Variants in SPOCK1 observed in about 807,000 individuals in gnomAD.
SPOCK1 encodes SPARC (osteonectin), cwcv and kazal like domains proteoglycan 1, also known as testican-1.
In SPOCK1, 23 loss-of-function variants were observed where a neutral mutation model predicts 55.3. The ratio of observed to expected loss-of-function variants is 0.42; its 90% CI spans 0.30 to 0.59. The LOEUF (loss-of-function observed/expected upper bound fraction) is 0.59, where lower values mean the gene tolerates loss of function less well. Ranked by LOEUF, SPOCK1 falls within the 20% of genes least tolerant of loss-of-function variation. The probability of loss-of-function intolerance (pLI) is 0.22; values close to 1 mark genes in which losing one functional copy is unlikely to be tolerated. For synonymous variants in SPOCK1, 226 were observed against 221.0 expected (o/e 1.02, Z -0.20); for missense variants, 499 against 552.5 (o/e 0.90, Z 0.97).
At chr5:137,435,522 T>C (rs551034034) in intron 2 of SPOCK1, among the ~76,000 whole-genome samples, 16 of 152,232 alleles carry the variant, frequency 1.1e-4, no homozygotes, top group Non-Finnish European at 2.2e-4. Context: ...CTCCTGTTGT[T>C]TCCACTTCAT....
At position 137,066,987 on chromosome 5, in the gene SPOCK1, C is replaced by CAG. The variant is rs753181225; in HGVS notation, c.589+726_589+727dup. On this transcript the variant is annotated intron_variant, in intron 6 of 10. Coordinates refer to ENST00000394945, the MANE Select transcript of SPOCK1 (RefSeq NM_004598.4). ...ATACACACACACACACACACACACA[C>CAG]AGAGAGAGAGAGAGAGAGAGAGAAA... Among the ~76,000 whole-genome samples, 497 of 139,650 alleles carry CAG rather than the reference C, an allele frequency of 3.6e-3. 2 individuals are homozygous for CAG. The highest frequency in any genetic ancestry group is 0.012 in the African/African-American group (448 of 38,162). The allele number at this position is 139,650 out of a possible 152,430, so 91.6% of individuals were successfully genotyped here.
At chr5:137,273,247 G>T in intron 2 of SPOCK1, 1 of 342,916 alleles carries the variant, frequency 2.9e-6, no homozygotes, top group Non-Finnish European at 4.1e-6. Context: ...ATAAATGTGT[G>T]TGGTACTGGT....
chr5:137,389,027 C>G (rs184047309), intron 2 of SPOCK1, among the ~76,000 whole-genome samples: 1 of 152,284 alleles, frequency 6.6e-6, no homozygotes, highest in Admixed American at 6.5e-5. Flanking sequence ...ATTCCAAAGA[C>G]CAATCAAGAC....
intron 3 of SPOCK1, among the ~76,000 whole-genome samples, chr5:137,227,684 A>G (rs1352537008): frequency 6.6e-6 from 1 of 152,246 alleles, no homozygotes; most frequent in Non-Finnish European, 1.5e-5. Context: ...CTCTCTTAGA[A>G]GAAAGGTCAC....
At chr5:137,184,610 T>C (rs1180828811) in intron 3 of SPOCK1, among the ~76,000 whole-genome samples, 1 of 152,132 alleles carries the variant, frequency 6.6e-6, no homozygotes, top group Admixed American at 6.5e-5. Flanking sequence ...ACAAGGGGCA[T>C]CTGGACCTTC....
chr5:136,978,953 G>GTTTTCAGAAAGT, intron 10 of SPOCK1, 109 bp from the exon 11 acceptor site: 2 of 1,203,784 alleles, frequency 1.7e-6, no homozygotes, highest in African/African-American at 1.5e-5. Flanking sequence ...TTTACTTTCT[G>GTTTTCAGAAAGT]AAAACAGAAA....
intron 2 of SPOCK1, among the ~76,000 whole-genome samples, chr5:137,339,784 G>T (rs1750375044): frequency 1.3e-5 from 2 of 152,138 alleles, no homozygotes; most frequent in Non-Finnish European, 2.9e-5. Context: ...CTACTTCTAA[G>T]CCAGGAGCCC....
chr5:137,303,595 G>A (rs1247481240), intron 2 of SPOCK1, among the ~76,000 whole-genome samples: 1 of 152,226 alleles, frequency 6.6e-6, no homozygotes, highest in Non-Finnish European at 1.5e-5. Context: ...GTATTCAGCA[G>A]ACACATAGGC....
rs865840970 is a variant in SPOCK1 at position 137,053,763 on chromosome 5, C to T, written c.589+13952G>A. Reference sequence around the variant, plus strand: ...AGGATAAAACACAGCACAAGCTCTGCCTGTCCCTGTTTGTTATAAAAGCAA... The same window carrying T: ...AGGATAAAACACAGCACAAGCTCTGTCTGTCCCTGTTTGTTATAAAAGCAA... On this transcript the variant is annotated intron_variant, in intron 6 of 10. Coordinates refer to ENST00000394945, the MANE Select transcript of SPOCK1 (RefSeq NM_004598.4). Among the ~76,000 whole-genome samples, 3 of 152,244 alleles carry T rather than the reference C, an allele frequency of 2.0e-5. No individual in the cohort carries two copies. The South Asian group carries it at 6.2e-4, about 32-fold the overall frequency.
chr5:137,315,692 G>A (rs1757867488), intron 2 of SPOCK1, among the ~76,000 whole-genome samples: 1 of 152,182 alleles, frequency 6.6e-6, no homozygotes, highest in African/African-American at 2.4e-5. Flanking sequence ...AGCTTCCTGA[G>A]ACTAGGCACA....
intron 2 of SPOCK1, among the ~76,000 whole-genome samples, chr5:137,327,551 G>A (rs951447049): frequency 5.3e-5 from 8 of 152,116 alleles, no homozygotes; most frequent in Non-Finnish European, 1.2e-4. Flanking sequence ...TAATCTTCCA[G>A]AAAAGAGGAA....
At chr5:137,018,686 A>G (rs185540127) in intron 6 of SPOCK1, among the ~76,000 whole-genome samples, 2 of 152,216 alleles carry the variant, frequency 1.3e-5, no homozygotes, top group African/African-American at 4.8e-5. Context: ...TCTCCTTATT[A>G]TACAAATGCA....
intron 6 of SPOCK1, among the ~76,000 whole-genome samples, chr5:137,035,449 G>T (rs1580718047): frequency 6.6e-6 from 1 of 152,208 alleles, no homozygotes; most frequent in Non-Finnish European, 1.5e-5. Context: ...CAAAGGAAGG[G>T]TAGATGGAAA....
chr5:137,019,926 A>T (rs1751534773), intron 6 of SPOCK1, among the ~76,000 whole-genome samples: 2 of 152,158 alleles, frequency 1.3e-5, no homozygotes, highest in Admixed American at 1.3e-4. Flanking sequence ...AGTTAGAGCT[A>T]AAGTATCCTA....
At chr5:137,034,710 C>T (rs1165586569) in intron 6 of SPOCK1, among the ~76,000 whole-genome samples, 3 of 152,092 alleles carry the variant, frequency 2.0e-5, no homozygotes, top group African/African-American at 7.2e-5. Flanking sequence ...GTGCGGAGTT[C>T]CAGAGTGAAC....
intron 2 of SPOCK1, among the ~76,000 whole-genome samples, chr5:137,375,443 C>T (rs1216258496): frequency 6.6e-6 from 1 of 152,152 alleles, no homozygotes; most frequent in African/African-American, 2.4e-5. Flanking sequence ...GGGAAGGGCA[C>T]TAGAGGGCCT....
chr5:137,498,273 C>T (rs530246981), intron 2 of SPOCK1, 100 bp downstream of exon 2: 107 of 1,064,002 alleles, frequency 1.0e-4, no homozygotes, highest in Admixed American at 8.6e-4. Context: ...CAACCACACA[C>T]ACACACACAC....
chr5:137,248,745 C>T (rs974513304), intron 3 of SPOCK1, among the ~76,000 whole-genome samples: 4 of 152,080 alleles, frequency 2.6e-5, no homozygotes, highest in African/African-American at 9.7e-5. Context: ...ATATAAAGGG[C>T]TTAGTAAAGA....
At chr5:137,420,467 A>C (rs1243114135) in intron 2 of SPOCK1, among the ~76,000 whole-genome samples, 1 of 152,132 alleles carries the variant, frequency 6.6e-6, no homozygotes, top group Non-Finnish European at 1.5e-5. Context: ...TATTGCCTCA[A>C]TTTCAGAGCC....
Sources: gnomAD v4.1 joint callset for allele counts (sites outside exome capture counted in the v4.1 genomes callset) on GRCh38, gnomAD v4.1.1 for gene constraint, MANE v1.5 for transcripts, NCBI Gene and HGNC (gene_info 2026-07-23, HGNC 2026-07-21) for gene names.